Variants in SERINC5 observed in about 807,000 individuals in gnomAD.
SERINC5 encodes serine incorporator 5.
A neutral mutation model predicts 63.1 loss-of-function variants in SERINC5; 41 were observed. The ratio of observed to expected loss-of-function variants is 0.65; its 90% CI spans 0.51 to 0.84. The LOEUF is 0.84. Ranked by LOEUF, SERINC5 falls within the 40% of genes least tolerant of loss-of-function variation. SERINC5 has a pLI of 0.00. For synonymous variants in SERINC5, 222 were observed against 215.2 expected, an observed-to-expected ratio of 1.03 and a Z score of -0.28; for missense variants, 523 against 573.0, an observed-to-expected ratio of 0.91 and a Z score of 0.89.
intron 11 of SERINC5, among the ~76,000 whole-genome samples, chr5:80,145,213 C>T (rs1745740978): frequency 6.6e-6 from 1 of 151,884 alleles, no homozygotes; most frequent in African/African-American, 2.4e-5. Context: ...AGTGTGGTGG[C>T]AGCACCTGTA....
intron 4 of SERINC5, among the ~76,000 whole-genome samples, 164 bp downstream of exon 4, chr5:80,177,151 G>A (rs756358209): frequency 1.3e-5 from 2 of 152,152 alleles, no homozygotes; most frequent in Non-Finnish European, 2.9e-5. Flanking sequence ...AGGTAGATAG[G>A]CAATGATGGA....
Position 80,141,139 on chromosome 5 carries a change from C to T in SERINC5, c.*2524G>A. 1.0e-6 allele frequency: 1 copy of T among 985,294 alleles called. No individual in the cohort carries two copies. The highest frequency in any genetic ancestry group is 1.2e-6 in the Non-Finnish European group (1 of 829,804). 61.0% of individuals were successfully genotyped at this position (985,294 alleles called of 1,614,324 possible). On this transcript the variant is annotated 3_prime_UTR_variant, in exon 12 of 12. Coordinates refer to ENST00000507668, the MANE Select transcript of SERINC5 (RefSeq NM_001174072.3). Reference sequence around the variant, plus strand: ...AACTCTGCATTGATAGTCCCTCAATCCTCAGATACATCCACATCTGTTTTG... The same window carrying T: ...AACTCTGCATTGATAGTCCCTCAATTCTCAGATACATCCACATCTGTTTTG...
At position 80,169,492 on chromosome 5, in the gene SERINC5, C is replaced by T. The variant is rs368368469; in HGVS notation, c.606G>A (p.Thr202=). Residue 202 remains threonine (T), a synonymous_variant, in exon 6 of 12, where the codon ACG becomes ACA. Transcript: ENST00000507668. ...CAGTGGCAATGGAATACATGATGAGCGTCACCAGGGCCAGGGAGGCGTACC... is the reference window on the plus strand; with the variant it reads ...CAGTGGCAATGGAATACATGATGAGTGTCACCAGGGCCAGGGAGGCGTACC... ...KLWYASLALV[T]LIMYSIATGG... is the part of the protein sequence containing the mutation. 74 of 1,613,774 alleles carry T rather than the reference C, an allele frequency of 4.6e-5. No homozygotes were observed. Among genetic ancestry groups the T allele is most frequent in the Non-Finnish European group, 5.9e-5 (70 of 1,179,864 alleles).
At chr5:80,234,478 AT>A (rs1751598004) in intron 1 of SERINC5, among the ~76,000 whole-genome samples, 1 of 152,198 alleles carries the variant, frequency 6.6e-6, no homozygotes, top group African/African-American at 2.4e-5. Context: ...AAACTCTGTT[AT>A]CTCCAAACCC....
At chr5:80,171,995 C>T (rs529847207) in intron 5 of SERINC5, among the ~76,000 whole-genome samples, 3 of 152,114 alleles carry the variant, frequency 2.0e-5, no homozygotes, top group South Asian at 2.1e-4. Context: ...TGTATCAAAA[C>T]GTCAAAATGA....
At position 80,166,364 on chromosome 5, in the gene SERINC5, C is replaced by CACTAT; in HGVS notation, c.859+18_859+19insATAGT. On this transcript the variant is annotated intron_variant, in intron 7 of 11. Coordinates refer to ENST00000507668, the MANE Select transcript of SERINC5 (RefSeq NM_001174072.3). ...AATATTCACACCGCAAACACAAGCCCACTAACAGGCTGGCTTACCTACTTC... is the reference window on the plus strand; with the variant it reads ...AATATTCACACCGCAAACACAAGCCCACTATACTAACAGGCTGGCTTACCTACTTC... The CACTAT allele has an allele frequency of 2.0e-6, 3 of 1,505,660 alleles. No homozygotes were observed. Among genetic ancestry groups the CACTAT allele is most frequent in the Non-Finnish European group, 2.7e-6 (3 of 1,101,236 alleles). 93.3% of individuals were successfully genotyped at this position (1,505,660 alleles called of 1,614,324 possible).
At chr5:80,207,952 T>C (rs1750251920) in intron 1 of SERINC5, among the ~76,000 whole-genome samples, 1 of 152,128 alleles carries the variant, frequency 6.6e-6, no homozygotes. Flanking sequence ...TACCTTTGAA[T>C]AAAATGGGTT....
intron 7 of SERINC5, among the ~76,000 whole-genome samples, chr5:80,161,058 G>GTATA (rs1362325025): frequency 2.2e-5 from 3 of 139,074 alleles, no homozygotes; most frequent in East Asian, 2.1e-4. Context: ...ATGTATGTAT[G>GTATA]TATATATATA....
rs60877517 is a variant in SERINC5 at position 80,243,470 on chromosome 5, A to T, written c.27+12426T>A. Among the ~76,000 whole-genome samples, 963 of 152,260 alleles carry T rather than the reference A, an allele frequency of 6.3e-3. 15 individuals carry two copies. Among genetic ancestry groups the T allele is most frequent in the African/African-American group, 0.022 (927 of 41,546 alleles). On this transcript the variant is annotated intron_variant, in intron 1 of 11. Transcript: ENST00000507668. ...AACTAGGAACAGTAGTGAGCTCCCC[A>T]GCACTGGACAGATTCAAACACAGAT...
intron 2 of SERINC5, among the ~76,000 whole-genome samples, chr5:80,179,492 T>G (rs538447238): frequency 6.6e-6 from 1 of 152,212 alleles, no homozygotes; most frequent in Non-Finnish European, 1.5e-5. Context: ...ACTTGTTTTT[T>G]ATTATCACAA....
At chr5:80,132,070 C>T (rs1307980122) in intron 11 of SERINC5, among the ~76,000 whole-genome samples, 2 of 152,156 alleles carry the variant, frequency 1.3e-5, no homozygotes, top group African/African-American at 2.4e-5. Flanking sequence ...TCAAGCCAGC[C>T]AGTTGAAGCC....
At chr5:80,197,377 C>T (rs1406706865) in intron 2 of SERINC5, among the ~76,000 whole-genome samples, 1 of 123,094 alleles carries the variant, frequency 8.1e-6, no homozygotes, top group Non-Finnish European at 1.8e-5. Context: ...GGACCAGACA[C>T]AGAGGGCTAT....
intron 11 of SERINC5, among the ~76,000 whole-genome samples, chr5:80,126,296 A>G (rs919729090): frequency 3.3e-5 from 5 of 152,216 alleles, no homozygotes; most frequent in South Asian, 4.1e-4. Context: ...ATTAAGTACA[A>G]AAGTTTTTAC....
At chr5:80,232,314 G>A (rs1252630517) in intron 1 of SERINC5, among the ~76,000 whole-genome samples, 1 of 151,474 alleles carries the variant, frequency 6.6e-6, no homozygotes. Context: ...TGAGGCAGGA[G>A]AATGGCAAGA....
chr5:80,155,572 C>A (rs1311726729), intron 8 of SERINC5, among the ~76,000 whole-genome samples: 42 of 117,552 alleles, frequency 3.6e-4, no homozygotes, highest in Non-Finnish European at 4.1e-4. Flanking sequence ...AACTCCGTCT[C>A]AAAAAAAAAA....
intron 1 of SERINC5, among the ~76,000 whole-genome samples, chr5:80,225,108 C>A (rs1751111917): frequency 6.6e-6 from 1 of 151,768 alleles, no homozygotes; most frequent in Non-Finnish European, 1.5e-5. Flanking sequence ...ACCCAGCTAA[C>A]ATTTGTATTT....
chr5:80,228,766 T>C (rs1209078449), intron 1 of SERINC5, among the ~76,000 whole-genome samples: 1 of 152,178 alleles, frequency 6.6e-6, no homozygotes, highest in Non-Finnish European at 1.5e-5. Context: ...TCTCATTCAC[T>C]ATCATTCTGC....
intron 1 of SERINC5, among the ~76,000 whole-genome samples, chr5:80,213,935 C>CTGT (rs1750548566): frequency 6.6e-6 from 1 of 152,200 alleles, no homozygotes; most frequent in Non-Finnish European, 1.5e-5. Flanking sequence ...TGATTCTACA[C>CTGT]TCTCTAAGCA....
At chr5:80,229,050 T>TGGGGAGGGG (rs1751306083) in intron 1 of SERINC5, among the ~76,000 whole-genome samples, 1 of 94,104 alleles carries the variant, frequency 1.1e-5, no homozygotes, top group African/African-American at 3.9e-5. Context: ...TTTTTTTTTT[T>TGGGGAGGGG]GGGGATGGAG....
Sources: gnomAD v4.1 joint callset for allele counts (sites outside exome capture counted in the v4.1 genomes callset) on GRCh38, gnomAD v4.1.1 for gene constraint, MANE v1.5 for transcripts, NCBI Gene and HGNC (gene_info 2026-07-23, HGNC 2026-07-21) for gene names.